Variants in PLGRKT observed in about 807,000 individuals in gnomAD.
PLGRKT encodes the protein plasminogen receptor (KT).
In PLGRKT, 22 loss-of-function variants were observed where a neutral mutation model predicts 18.5. That is an observed-to-expected ratio of 1.19 (90% CI 0.85 to 1.70). The LOEUF is 1.70. Ranked by LOEUF, PLGRKT falls within the 40% of genes most tolerant of loss-of-function variation. PLGRKT has a pLI of 0.00. For missense variants in PLGRKT, 235 were observed against 174.4 expected, an observed-to-expected ratio of 1.35 and a Z score of -1.96; for synonymous variants, 72 against 52.8, an observed-to-expected ratio of 1.36 and a Z score of -1.58.
intron 3 of PLGRKT, among the ~76,000 whole-genome samples, chr9:5,388,480 A>G (rs927120598): frequency 2.0e-5 from 3 of 152,148 alleles, no homozygotes; most frequent in South Asian, 2.1e-4. Context: ...TAAACTCACT[A>G]TTCTTGCCAA....
intron 2 of PLGRKT, among the ~76,000 whole-genome samples, chr9:5,436,265 C>T (rs1488936453): frequency 3.3e-5 from 5 of 152,252 alleles, no homozygotes; most frequent in Non-Finnish European, 5.9e-5. Flanking sequence ...GTGTCTACTT[C>T]CCCTAAATAT....
At chr9:5,393,737 G>C (rs1817992218) in intron 3 of PLGRKT, among the ~76,000 whole-genome samples, 1 of 151,786 alleles carries the variant, frequency 6.6e-6, no homozygotes, top group Non-Finnish European at 1.5e-5. Flanking sequence ...ATAAGGACGA[G>C]CTACCTCAAA....
At chr9:5,430,898 T>C (rs1236726022) in intron 3 of PLGRKT, among the ~76,000 whole-genome samples, 2 of 152,286 alleles carry the variant, frequency 1.3e-5, no homozygotes, top group Non-Finnish European at 2.9e-5. Context: ...TTAGATAATC[T>C]TCTGCAGTGC....
chr9:5,420,045 A>G (rs1818545009), intron 3 of PLGRKT, among the ~76,000 whole-genome samples: 1 of 152,240 alleles, frequency 6.6e-6, no homozygotes, highest in Admixed American at 6.5e-5. Context: ...CAGCCATAAA[A>G]AGGAATGAGG....
At chr9:5,359,218 G>A (rs549484034) in intron 5 of PLGRKT, among the ~76,000 whole-genome samples, 7 of 151,918 alleles carry the variant, frequency 4.6e-5, no homozygotes, top group South Asian at 2.1e-4. Context: ...GGTGTACACC[G>A]GCTAATTTTT....
At chr9:5,358,417 C>A (rs375452250) in intron 5 of PLGRKT, 57 bp from the exon 6 acceptor site, 12 of 1,543,644 alleles carry the variant, frequency 7.8e-6, no homozygotes, top group African/African-American at 6.8e-5. Flanking sequence ...CAATTTGTGA[C>A]AAAGCCTGAT....
chr9:5,375,072 T>A (rs374319719), intron 3 of PLGRKT, among the ~76,000 whole-genome samples: 2 of 152,258 alleles, frequency 1.3e-5, no homozygotes, highest in African/African-American at 4.8e-5. Flanking sequence ...TAGCCACAGA[T>A]AAGGAATGAG....
At chr9:5,365,698 G>C (rs1005862420) in intron 3 of PLGRKT, among the ~76,000 whole-genome samples, 1 of 152,194 alleles carries the variant, frequency 6.6e-6, no homozygotes. Flanking sequence ...ATGGATCAAT[G>C]TTAGTTTCTT....
intron 3 of PLGRKT, among the ~76,000 whole-genome samples, chr9:5,387,786 C>A (rs762174686): frequency 1.3e-4 from 19 of 151,722 alleles, no homozygotes; most frequent in Non-Finnish European, 5.9e-5. Context: ...CTATGTTATA[C>A]TTTAACATAA....
chr9:5,433,404 CGCCTCTGCCTGGCTGCCCCATCTGGG>C (rs1818875902), intron 2 of PLGRKT, among the ~76,000 whole-genome samples: 1 of 145,082 alleles, frequency 6.9e-6, no homozygotes, highest in Non-Finnish European at 1.5e-5. Context: ...ATGTGAGGAG[CGCCTCTGCCTGGCTGCCCCATCTGGG>C]AAGTGAGGAG....
At chr9:5,380,703 A>G (rs1005302119) in intron 3 of PLGRKT, among the ~76,000 whole-genome samples, 5 of 152,148 alleles carry the variant, frequency 3.3e-5, no homozygotes, top group Non-Finnish European at 5.9e-5. Context: ...ATGAGGGCAA[A>G]GTATCTTTTT....
chr9:5,396,418 T>G (rs1358847583), intron 3 of PLGRKT, among the ~76,000 whole-genome samples: 1 of 151,690 alleles, frequency 6.6e-6, no homozygotes, highest in Non-Finnish European at 1.5e-5. Flanking sequence ...CCCGAGTAGC[T>G]GGCACTACAG....
At chr9:5,367,350 C>T (rs1050468028) in intron 3 of PLGRKT, among the ~76,000 whole-genome samples, 21 of 152,046 alleles carry the variant, frequency 1.4e-4, no homozygotes, top group Non-Finnish European at 2.9e-4. Context: ...CACTATAGGG[C>T]TATAATAACC....
intron 2 of PLGRKT, among the ~76,000 whole-genome samples, chr9:5,434,033 A>G (rs2093456): frequency 0.66 from 82,538 of 125,322 alleles, 26,392 homozygotes; most frequent in Non-Finnish European, 0.68. Context: ...CCGTTGCCCC[A>G]AATGGGAAGT....
chr9:5,438,209 T>C (rs1286481920), upstream of PLGRKT, among the ~76,000 whole-genome samples: 2 of 152,176 alleles, frequency 1.3e-5, no homozygotes, highest in Non-Finnish European at 1.5e-5. Context: ...TTGACTGAAA[T>C]TACCCATTCT....
intron 3 of PLGRKT, among the ~76,000 whole-genome samples, chr9:5,409,682 G>C (rs1818324715): frequency 6.6e-6 from 1 of 152,222 alleles, no homozygotes; most frequent in African/African-American, 2.4e-5. Context: ...CAAAGCCTTG[G>C]GAGCCCATCC....
At chr9:5,413,598 C>T (rs1375271075) in intron 3 of PLGRKT, among the ~76,000 whole-genome samples, 5 of 152,130 alleles carry the variant, frequency 3.3e-5, no homozygotes, top group African/African-American at 1.2e-4. Context: ...CAGGCAGCCT[C>T]TAGAAACTAA....
At chr9:5,365,422 C>T (rs755248247) in intron 3 of PLGRKT, among the ~76,000 whole-genome samples, 4 of 152,180 alleles carry the variant, frequency 2.6e-5, no homozygotes, top group Non-Finnish European at 5.9e-5. Context: ...GACAAATATC[C>T]TGTACAGAAG....
At chr9:5,393,007 A>C (rs937012229) in intron 3 of PLGRKT, among the ~76,000 whole-genome samples, 3 of 151,216 alleles carry the variant, frequency 2.0e-5, no homozygotes, top group Non-Finnish European at 2.9e-5. Context: ...ACACCCGGCT[A>C]ATTTTTGTAT....
Sources: gnomAD v4.1 joint callset for allele counts (sites outside exome capture counted in the v4.1 genomes callset) on GRCh38, gnomAD v4.1.1 for gene constraint, MANE v1.5 for transcripts, NCBI Gene and HGNC (gene_info 2026-07-23, HGNC 2026-07-21) for gene names.